Variants in EIF3D observed in about 807,000 individuals in gnomAD.
The protein encoded by EIF3D is eIF3 p66.
Under a neutral mutation model 75.4 loss-of-function variants are expected in EIF3D, and 10 were observed. The observed-to-expected ratio is 0.13, with a 90% CI of 0.08 to 0.22. The LOEUF (loss-of-function observed/expected upper bound fraction) is 0.22, where lower values mean the gene tolerates loss of function less well. Ranked by LOEUF, EIF3D falls within the 10% of genes least tolerant of loss-of-function variation. The pLI is 1.00. For synonymous variants in EIF3D, 246 were observed against 248.3 expected (o/e 0.99, Z 0.09); for missense variants, 394 against 708.0 (o/e 0.56, Z 5.03).
intron 7 of EIF3D, among the ~76,000 whole-genome samples, chr22:36,520,302 G>A (rs954259252): frequency 1.8e-4 from 27 of 152,064 alleles, no homozygotes; most frequent in African/African-American, 6.5e-4. Flanking sequence ...GATTACAGGT[G>A]TGTGCCACCA....
intron 10 of EIF3D, 31 bp from the exon 11 acceptor site, chr22:36,516,821 C>G: frequency 6.2e-7 from 1 of 1,604,602 alleles, no homozygotes; most frequent in South Asian, 1.1e-5. Flanking sequence ...CAAGACAGAG[C>G]TAACTTTGTT....
At chr22:36,516,971 A>G (rs985349879) in intron 10 of EIF3D, 181 bp from the exon 11 acceptor site, 3 of 634,772 alleles carry the variant, frequency 4.7e-6, no homozygotes, top group Admixed American at 5.7e-5. Context: ...TTAGCACCTG[A>G]TGAATTAGAA....
At chr22:36,517,493 G>T in intron 9 of EIF3D, 62 bp from the exon 10 acceptor site, 1 of 1,522,338 alleles carries the variant, frequency 6.6e-7, no homozygotes, top group East Asian at 2.4e-5. Context: ...TGTGCGCAGC[G>T]CTGTGGGGAG....
At chr22:36,516,454 A>G in intron 12 of EIF3D, 24 bp downstream of exon 12, 1 of 1,610,656 alleles carries the variant, frequency 6.2e-7, no homozygotes, top group Non-Finnish European at 8.5e-7. Flanking sequence ...TGTCACCAGG[A>G]GGGTGATGGA....
At chr22:36,514,293 G>A (rs1292833131) in intron 12 of EIF3D, among the ~76,000 whole-genome samples, 2 of 152,140 alleles carry the variant, frequency 1.3e-5, no homozygotes, top group South Asian at 2.1e-4. Flanking sequence ...TCATGGTTGA[G>A]GCCTGGGATG....
chr22:36,516,456 G>A (rs1934428328), intron 12 of EIF3D, 22 bp downstream of exon 12: 7 of 1,611,328 alleles, frequency 4.3e-6, no homozygotes, highest in Non-Finnish European at 5.9e-6. Flanking sequence ...TCACCAGGAG[G>A]GTGATGGAGA....
chr22:36,521,067 A>T (rs1260325468), intron 6 of EIF3D, among the ~76,000 whole-genome samples: 1 of 151,960 alleles, frequency 6.6e-6, no homozygotes, highest in Non-Finnish European at 1.5e-5. Context: ...AGGCATGGTG[A>T]TGCATGCCTG....
At chr22:36,528,449 A>T (rs1450475560) in intron 1 of EIF3D, among the ~76,000 whole-genome samples, 1 of 151,334 alleles carries the variant, frequency 6.6e-6, no homozygotes, top group Non-Finnish European at 1.5e-5. Flanking sequence ...GAGCGGAACC[A>T]GGAGGAGAAA....
chr22:36,516,297 T>C lies in EIF3D; in HGVS notation c.1206+181A>G. 5.9e-6 allele frequency: 4 copies of C among 676,244 alleles called. No individual in the cohort carries two copies. The South Asian group carries it at 8.0e-5, about 14-fold the overall frequency. 41.9% of individuals were successfully genotyped at this position (676,244 alleles called of 1,614,324 possible). ...CATAGTTCTACACACACAGTCATGCTCTTTCTCAGCAAGGAACTAAGCAGA... is the reference window on the plus strand; with the variant it reads ...CATAGTTCTACACACACAGTCATGCCCTTTCTCAGCAAGGAACTAAGCAGA... On this transcript the variant is annotated intron_variant, in intron 12 of 14. Coordinates refer to ENST00000216190, the MANE Select transcript of EIF3D (RefSeq NM_003753.4).
At chr22:36,512,929 C>T (rs750922339) in intron 12 of EIF3D, 18 of 209,422 alleles carry the variant, frequency 8.6e-5, no homozygotes, top group Admixed American at 5.0e-4. Context: ...CTATGTGTTG[C>T]GTGGTAAGGA....
chr22:36,520,705 T>G lies in EIF3D; in HGVS notation c.466-17A>C. 6.4e-7 allele frequency: 1 copy of G among 1,571,442 alleles called. No homozygotes were observed. Among genetic ancestry groups the G allele is most frequent in the Non-Finnish European group, 8.7e-7 (1 of 1,147,412 alleles). ...TCGGGGTTTCTGCAGTTGAAAACCA[T>G]TAGAGGAAAAAAAAGTTATAGTCCA... On this transcript the variant is annotated splice_polypyrimidine_tract_variant and intron_variant, in intron 6 of 14. Transcript: ENST00000216190.
In EIF3D at chr22:36,522,311, T is replaced by C. The variant is rs537639028; in HGVS notation, c.465+898A>G. On this transcript the variant is annotated intron_variant, in intron 6 of 14. Coordinates refer to ENST00000216190, the MANE Select transcript of EIF3D (RefSeq NM_003753.4). ...AGAGGTTGCAGTTGGCTAAGATTCATGCCACTGCACTCCAGCCTGGGTGAC... is the reference window on the plus strand; with the variant it reads ...AGAGGTTGCAGTTGGCTAAGATTCACGCCACTGCACTCCAGCCTGGGTGAC... 2.6e-5 allele frequency among the ~76,000 whole-genome samples: 4 copies of C among 152,170 alleles called. No homozygotes were observed. The East Asian group carries it at 7.7e-4, about 29-fold the overall frequency.
intron 12 of EIF3D, among the ~76,000 whole-genome samples, chr22:36,513,550 G>C (rs62229998): frequency 6.6e-6 from 1 of 152,136 alleles, no homozygotes; most frequent in African/African-American, 2.4e-5. Flanking sequence ...TGATCCACTC[G>C]CCCCGGCCTC....
chr22:36,521,681 C>G (rs1057114984), intron 6 of EIF3D, among the ~76,000 whole-genome samples: 1 of 150,644 alleles, frequency 6.6e-6, no homozygotes, highest in East Asian at 2.0e-4. Context: ...AATCCCAGCA[C>G]TTTGGGAGGC....
intron 7 of EIF3D, among the ~76,000 whole-genome samples, chr22:36,520,062 CAA>C (rs1326221211): frequency 6.6e-6 from 1 of 152,216 alleles, no homozygotes; most frequent in Non-Finnish European, 1.5e-5. Context: ...CTCTTTCTGC[CAA>C]AAGAGTTGTA....
At position 36,512,541 on chromosome 22, in the gene EIF3D, G is replaced by A. The variant is rs748841398; in HGVS notation, c.1268C>T (p.Thr423Met). The A allele has an allele frequency of 1.2e-6, 2 of 1,614,050 alleles. No homozygotes were observed. Among genetic ancestry groups the A allele is most frequent in the South Asian group, 1.1e-5 (1 of 91,086 alleles). The change falls in exon 13 of 15, where the codon ACG becomes ATG. Residue 423 changes from threonine (T) to methionine (M), a missense_variant. Thr to Met is a moderately conservative substitution (Grantham distance 81, BLOSUM62 -1). Coordinates refer to ENST00000216190, the MANE Select transcript of EIF3D (RefSeq NM_003753.4). The part of the protein sequence containing the change: ...LDSQRGAVIA[T>M]ELKNNSYKLA... ...CTTGTAGCTGTTGTTCTTCAGCTCC[G>A]TGGCAATGACAGCCCCTCGCTGAGA...
At chr22:36,521,663 ACG>A (rs1477695745) in intron 6 of EIF3D, among the ~76,000 whole-genome samples, 1 of 151,878 alleles carries the variant, frequency 6.6e-6, no homozygotes, top group African/African-American at 2.4e-5. Context: ...GTGGTGCCTC[ACG>A]CCTGTAATCC....
At chr22:36,520,877 A>G (rs1393437519) in intron 6 of EIF3D, among the ~76,000 whole-genome samples, 189 bp from the exon 7 acceptor site, 1 of 152,154 alleles carries the variant, frequency 6.6e-6, no homozygotes, top group Non-Finnish European at 1.5e-5. Context: ...CTATGATTGC[A>G]CTACTGCACT....
At chr22:36,527,629 A>G (rs2033102892) in intron 1 of EIF3D, among the ~76,000 whole-genome samples, 1 of 152,224 alleles carries the variant, frequency 6.6e-6, no homozygotes, top group African/African-American at 2.4e-5. Flanking sequence ...TCACGAGGTC[A>G]GCAGTTCGAG....
Sources: allele counts gnomAD v4.1 joint callset (sites outside exome capture counted in the v4.1 genomes callset), GRCh38; gene constraint gnomAD v4.1.1; transcripts MANE v1.5; gene names NCBI Gene and HGNC (gene_info 2026-07-23, HGNC 2026-07-21).